DOCK4: variants seen among roughly 807,000 people sequenced by gnomAD.
DOCK4 encodes dedicator of cytokinesis protein 4.
A neutral mutation model predicts 268.1 loss-of-function variants in DOCK4; 97 were observed. The ratio of observed to expected loss-of-function variants is 0.36; its 90% confidence interval spans 0.31 to 0.43. The LOEUF (loss-of-function observed/expected upper bound fraction) is 0.43. DOCK4 is among the 20% of genes least tolerant of loss of function. The probability of loss-of-function intolerance (pLI) is 1.00; values close to 1 mark genes in which losing one functional copy is unlikely to be tolerated. For missense variants in DOCK4, 2,145 were observed against 2,455.7 expected, an observed-to-expected ratio of 0.87 and a Z score of 2.67; for synonymous variants, 954 against 887.2, an observed-to-expected ratio of 1.08 and a Z score of -1.34.
chr7:111,772,088 G>A (rs771999664), intron 36 of DOCK4, among the ~76,000 whole-genome samples: 1 of 152,208 alleles, frequency 6.6e-6, no homozygotes, highest in African/African-American at 2.4e-5. Flanking sequence ...AATAGTTGTT[G>A]CCAGGGGTAA....
intron 27 of DOCK4, among the ~76,000 whole-genome samples, chr7:111,812,412 TG>T (rs1370045791): frequency 6.6e-6 from 1 of 152,180 alleles, no homozygotes; most frequent in African/African-American, 2.4e-5. Context: ...TCCAAGTAGC[TG>T]GGTCTACAGG....
At chr7:111,879,436 G>A (rs879758223) in intron 16 of DOCK4, among the ~76,000 whole-genome samples, 1 of 152,136 alleles carries the variant, frequency 6.6e-6, no homozygotes, top group Non-Finnish European at 1.5e-5. Flanking sequence ...TTTGAGAGAA[G>A]CAGAGGGAAA....
intron 25 of DOCK4, 55 bp downstream of exon 25, chr7:111,844,708 G>GT (rs748615858): frequency 2.3e-5 from 36 of 1,547,202 alleles, no homozygotes; most frequent in Non-Finnish European, 3.1e-5. Context: ...CACCTGCAAC[G>GT]TGACTGAAGC....
intron 23 of DOCK4, among the ~76,000 whole-genome samples, chr7:111,857,432 C>T (rs12113766): frequency 0.34 from 51,030 of 151,992 alleles, 8,704 homozygotes; most frequent in African/African-American, 0.39. Context: ...ATTTTTTAGT[C>T]TGTAGGCAAA....
chr7:111,902,990 C>T (rs927466522), intron 13 of DOCK4, among the ~76,000 whole-genome samples: 2 of 152,186 alleles, frequency 1.3e-5, no homozygotes, highest in East Asian at 1.9e-4. Context: ...AGGGTGGTCT[C>T]GATCTCCTGA....
intron 7 of DOCK4, among the ~76,000 whole-genome samples, chr7:111,983,946 C>A (rs762764374): frequency 6.6e-6 from 1 of 151,630 alleles, no homozygotes; most frequent in African/African-American, 2.4e-5. Context: ...TGAGCCAAGA[C>A]GAAACACCCA....
intron 44 of DOCK4, among the ~76,000 whole-genome samples, chr7:111,744,259 T>C (rs1236524109): frequency 2.0e-5 from 3 of 152,160 alleles, no homozygotes; most frequent in Non-Finnish European, 4.4e-5. Context: ...AGAGCCACAT[T>C]TCCTGCAGCT....
chr7:111,783,491 C>T (rs1798931582), intron 34 of DOCK4, among the ~76,000 whole-genome samples: 1 of 152,082 alleles, frequency 6.6e-6, no homozygotes, highest in Non-Finnish European at 1.5e-5. Context: ...TTGTACAATT[C>T]TCCATTACAT....
At chr7:111,992,265 A>G (rs2158048) in intron 5 of DOCK4, among the ~76,000 whole-genome samples, 10,676 of 152,248 alleles carry the variant, frequency 0.07, 680 homozygotes, top group East Asian at 0.28. Flanking sequence ...CCCATCAAAC[A>G]TCTTCCAGTA....
At chr7:112,197,521 A>G (rs1314759584) in intron 1 of DOCK4, among the ~76,000 whole-genome samples, 3 of 152,242 alleles carry the variant, frequency 2.0e-5, no homozygotes, top group Admixed American at 6.5e-5. Flanking sequence ...TCACAGACAT[A>G]GAAATAACTA....
chr7:111,747,953 T>C lies in DOCK4; in HGVS notation c.4417-510A>G, dbSNP rs182382292. On this transcript the variant is annotated intron_variant, in intron 42 of 52. Coordinates refer to ENST00000428084, the MANE Select transcript of DOCK4 (RefSeq NM_001363540.2). ...CTCATATATATATATAACAGCACCA[T>C]AAGGTGGCACAGGATGGCACACAGT... 9.9e-5 allele frequency among the ~76,000 whole-genome samples: 15 copies of C among 152,210 alleles called. 1 individual carries two copies. In the East Asian group the frequency reaches 2.9e-3, roughly 29 times the overall value.
chr7:111,762,371 C>T lies in DOCK4; in HGVS notation c.4021-2049G>A, dbSNP rs148687646. On this transcript the variant is annotated intron_variant, in intron 39 of 52. Transcript: ENST00000428084. ...ACCCTATACTCATTAGCAGTTACTT[C>T]CTATTTTTCTCTTCCTCCAGCCAGT... is the stretch of plus-strand genomic sequence containing the variant. Among the ~76,000 whole-genome samples the T allele has an allele frequency of 2.1e-3, 323 of 152,290 alleles. 2 individuals are homozygous for T. Among genetic ancestry groups the T allele is most frequent in the Non-Finnish European group, 4.1e-3 (281 of 68,010 alleles).
At chr7:112,141,986 T>G (rs962175760) in intron 1 of DOCK4, among the ~76,000 whole-genome samples, 1 of 152,176 alleles carries the variant, frequency 6.6e-6, no homozygotes, top group East Asian at 1.9e-4. Flanking sequence ...TCTTAACTAC[T>G]TGCAACTAAT....
At chr7:111,896,341 G>A (rs1473143544) in intron 15 of DOCK4, among the ~76,000 whole-genome samples, 2 of 152,128 alleles carry the variant, frequency 1.3e-5, no homozygotes, top group African/African-American at 4.8e-5. Flanking sequence ...GAGGCGATGA[G>A]GTTTTCAGAT....
intron 22 of DOCK4, 110 bp downstream of exon 22, chr7:111,867,874 C>G: frequency 1.7e-5 from 18 of 1,089,332 alleles, no homozygotes; most frequent in Non-Finnish European, 2.0e-5. Flanking sequence ...CAAATATAAA[C>G]TGGAGCAATT....
chr7:112,112,470 C>T (rs1451753000), intron 1 of DOCK4, among the ~76,000 whole-genome samples: 1 of 151,970 alleles, frequency 6.6e-6, no homozygotes, highest in African/African-American at 2.4e-5. Flanking sequence ...GGTGAAACCC[C>T]ATCTCTACTA....
chr7:112,057,941 G>A (rs1805986059), intron 1 of DOCK4, among the ~76,000 whole-genome samples: 1 of 149,908 alleles, frequency 6.7e-6, no homozygotes, highest in African/African-American at 2.5e-5. Flanking sequence ...TTTTGTAAGT[G>A]CTTTATTTTA....
intron 17 of DOCK4, 142 bp from the exon 18 acceptor site, chr7:111,872,706 T>C: frequency 1.6e-6 from 1 of 620,752 alleles, no homozygotes. Flanking sequence ...CCACAAACTA[T>C]GACTAGCCCT....
At chr7:111,912,924 A>G (rs1441767112) in intron 13 of DOCK4, among the ~76,000 whole-genome samples, 1 of 151,928 alleles carries the variant, frequency 6.6e-6, no homozygotes, top group Non-Finnish European at 1.5e-5. Context: ...TATGACTTTC[A>G]CAGAATTTTA....
Sources: allele counts gnomAD v4.1 joint callset (sites outside exome capture counted in the v4.1 genomes callset), GRCh38; gene constraint gnomAD v4.1.1; transcripts MANE v1.5; gene names NCBI Gene and HGNC (gene_info 2026-07-23, HGNC 2026-07-21).